Variants in FMNL3 observed in about 807,000 individuals in gnomAD.
FMNL3 encodes the protein formin-like protein 3.
FMNL3 carries 57 observed loss-of-function variants against 119.6 expected under a neutral mutation model. The ratio of observed to expected loss-of-function variants is 0.48; its 90% CI spans 0.39 to 0.59. The LOEUF is 0.59. Ranked by LOEUF, FMNL3 falls within the 20% of genes least tolerant of loss-of-function variation. FMNL3 has a pLI of 0.00. For synonymous variants in FMNL3, 491 were observed against 507.3 expected, an observed-to-expected ratio of 0.97 and a Z score of 0.43; for missense variants, 1,053 against 1,323.5, an observed-to-expected ratio of 0.80 and a Z score of 3.17.
rs1943153176 is a variant in FMNL3 at position 49,645,728 on chromosome 12, C to G, written c.*87G>C. ...ACATGGTTGAGAGAGCAACACAGCC[C>G]TCTCCTGAGCCCTTGGCCAATTCCA... On this transcript the variant is annotated 3_prime_UTR_variant, in exon 26 of 26. Coordinates refer to ENST00000335154, the MANE Select transcript of FMNL3 (RefSeq NM_175736.5). 8.5e-7 allele frequency: 1 copy of G among 1,172,766 alleles called. No homozygotes were observed. The highest frequency in any genetic ancestry group is 1.2e-6 in the Non-Finnish European group (1 of 833,670). 72.6% of individuals were successfully genotyped at this position (1,172,766 alleles called of 1,614,324 possible).
intron 1 of FMNL3, among the ~76,000 whole-genome samples, chr12:49,703,290 C>T (rs755940900): frequency 6.6e-6 from 1 of 152,220 alleles, no homozygotes; most frequent in Non-Finnish European, 1.5e-5. Flanking sequence ...ATACTAGCTT[C>T]TGAGCAACTG....
At chr12:49,655,028 G>A in intron 9 of FMNL3, 44 bp from the exon 10 acceptor site, 9 of 1,588,254 alleles carry the variant, frequency 5.7e-6, no homozygotes, top group Non-Finnish European at 7.8e-6. Context: ...GCTCCATGCA[G>A]AACCCAAGCC....
At chr12:49,661,133 T>C (rs116326291) in intron 5 of FMNL3, among the ~76,000 whole-genome samples, 2,243 of 152,344 alleles carry the variant, frequency 0.015, 57 homozygotes, top group African/African-American at 0.05. Context: ...TTATGTAATT[T>C]CATATATTCA....
At chr12:49,680,673 C>A (rs1391313602) in intron 1 of FMNL3, among the ~76,000 whole-genome samples, 2 of 152,192 alleles carry the variant, frequency 1.3e-5, no homozygotes, top group Non-Finnish European at 2.9e-5. Context: ...GTTCCCTCCC[C>A]ACGACCCAAA....
intron 1 of FMNL3, among the ~76,000 whole-genome samples, chr12:49,679,356 A>G (rs1464523210): frequency 1.3e-5 from 2 of 151,972 alleles, no homozygotes; most frequent in Non-Finnish European, 2.9e-5. Flanking sequence ...TCCAAATTGT[A>G]TGCATCCTTC....
chr12:49,707,315 G>T lies in FMNL3; in HGVS notation c.-135C>A. The stretch of plus-strand genomic sequence containing the variant: ...ACTCCTCGGCCCCGTCGAGGGCGCC[G>T]GGGGTTCCCTGGAGTCCCGCTGGCG... On this transcript the variant is annotated 5_prime_UTR_variant, in exon 1 of 26. Coordinates refer to ENST00000335154, the MANE Select transcript of FMNL3 (RefSeq NM_175736.5). 1 of 828,318 alleles carries T rather than the reference G, an allele frequency of 1.2e-6. No homozygotes were observed. The highest frequency in any genetic ancestry group is 1.7e-6 in the Non-Finnish European group (1 of 589,118). 51.3% of individuals were successfully genotyped at this position (828,318 alleles called of 1,614,324 possible).
intron 13 of FMNL3, 63 bp downstream of exon 13, chr12:49,653,160 AAGC>A (rs1423455648): frequency 4.8e-6 from 7 of 1,457,870 alleles, no homozygotes; most frequent in Non-Finnish European, 6.7e-6. Flanking sequence ...CAGGGAAAAA[AAGC>A]AGAACCCCAA....
chr12:49,666,756 C>T (rs1943903179), intron 2 of FMNL3, among the ~76,000 whole-genome samples: 1 of 151,944 alleles, frequency 6.6e-6, no homozygotes, highest in Admixed American at 6.6e-5. Context: ...ATGATCATGC[C>T]ATTGCACTCC....
In FMNL3 at chr12:49,640,489, C is replaced by T. The variant is rs1227578830; in HGVS notation, c.*5326G>A. The T allele has an allele frequency of 6.6e-6, 1 of 152,162 alleles. No individual in the cohort carries two copies. Among genetic ancestry groups the T allele is most frequent in the Non-Finnish European group, 1.5e-5 (1 of 68,066 alleles). The allele number at this position is 152,162 out of a possible 1,614,324, so 9.4% of individuals were successfully genotyped here. Reference sequence around the variant, plus strand: ...GCACTGAGGACCAGATGAGTGAGGACAAAGAAGGCGGCCTTGGATTTGGCT... The same window carrying T: ...GCACTGAGGACCAGATGAGTGAGGATAAAGAAGGCGGCCTTGGATTTGGCT... On this transcript the variant is annotated 3_prime_UTR_variant, in exon 26 of 26. Coordinates refer to ENST00000335154, the MANE Select transcript of FMNL3 (RefSeq NM_175736.5).
In FMNL3 at chr12:49,643,071, A is replaced by G; in HGVS notation, c.*2744T>C. 1 of 1,598,854 alleles carries G rather than the reference A, an allele frequency of 6.3e-7. No individual in the cohort carries two copies. On this transcript the variant is annotated 3_prime_UTR_variant, in exon 26 of 26. Coordinates refer to ENST00000335154, the MANE Select transcript of FMNL3 (RefSeq NM_175736.5). ...TGAAGCTGGGTTGTTTTGGGGAAAT[A>G]AACACTTTGTTTTCCCCTTACAATA...
chr12:49,652,350 C>T, intron 13 of FMNL3, 138 bp from the exon 14 acceptor site: 2 of 1,422,126 alleles, frequency 1.4e-6, no homozygotes, highest in Non-Finnish European at 1.8e-6. Context: ...GGCAGAAACC[C>T]AGGTGGGGGA....
At chr12:49,686,605 T>C (rs1326496064) in intron 1 of FMNL3, among the ~76,000 whole-genome samples, 1 of 148,930 alleles carries the variant, frequency 6.7e-6, no homozygotes, top group East Asian at 2.0e-4. Context: ...AAAAAAGTAT[T>C]GAGCACCTTT....
Position 49,699,500 on chromosome 12 carries a change from G to A in FMNL3, c.126+7555C>T, listed in dbSNP as rs547278903. On this transcript the variant is annotated intron_variant, in intron 1 of 25. Coordinates refer to ENST00000335154, the MANE Select transcript of FMNL3 (RefSeq NM_175736.5). ...GGCTGCCACCTGGACTGTCCCAGCT[G>A]CAGAACACAGACCCAATGAGTCCTG... Among the ~76,000 whole-genome samples, 3 of 152,286 alleles carry A rather than the reference G, an allele frequency of 2.0e-5. No homozygotes were observed. The East Asian group carries it at 5.8e-4, about 29-fold the overall frequency.
At chr12:49,704,371 G>A (rs1944986049) in intron 1 of FMNL3, among the ~76,000 whole-genome samples, 1 of 152,108 alleles carries the variant, frequency 6.6e-6, no homozygotes, top group South Asian at 2.1e-4. Context: ...AAAGAAAAAG[G>A]TGAGAAAGGA....
intron 1 of FMNL3, among the ~76,000 whole-genome samples, chr12:49,681,592 C>T (rs1416575273): frequency 6.6e-6 from 1 of 152,204 alleles, no homozygotes; most frequent in Non-Finnish European, 1.5e-5. Flanking sequence ...AGTTCTCACT[C>T]TGCTGCCCAG....
chr12:49,664,800 C>T (rs558264558), intron 4 of FMNL3, among the ~76,000 whole-genome samples: 4 of 152,308 alleles, frequency 2.6e-5, no homozygotes, highest in Non-Finnish European at 5.9e-5. Context: ...CAGGTGTCCC[C>T]TCCCTCTAAA....
intron 1 of FMNL3, among the ~76,000 whole-genome samples, chr12:49,687,161 T>A (rs1348658739): frequency 6.6e-6 from 1 of 150,906 alleles, no homozygotes; most frequent in Non-Finnish European, 1.5e-5. Context: ...TGGCGCGATC[T>A]CGGCTCACTG....
In FMNL3 at chr12:49,647,320, G is replaced by A. The variant is rs753849425; in HGVS notation, c.2827C>T (p.Arg943Trp). Residue 943 changes from arginine to tryptophan, a missense_variant, in exon 24 of 26, where the codon CGG (arginine) becomes TGG (tryptophan). Arg to Trp is a moderately radical substitution (Grantham distance 101). Coordinates refer to ENST00000335154, the MANE Select transcript of FMNL3 (RefSeq NM_175736.5). The surrounding 1 kb of genome is among the most constrained non-coding windows in gnomAD (Gnocchi z 4.9). Reference protein sequence around the residue: ...EARKKQEEVMREKQLAQEAKK... With the variant: ...EARKKQEEVMWEKQLAQEAKK... ...GCTTCCTGAGCCAGCTGCTTCTCCC[G>A]CATTACCTCCTCCTGCTTCTTGCGG... is the stretch of plus-strand genomic sequence containing the variant. 1.4e-5 allele frequency: 23 copies of A among 1,613,670 alleles called. No individual in the cohort carries two copies. Among genetic ancestry groups the A allele is most frequent in the Admixed American group, 1.0e-4 (6 of 60,000 alleles).
chr12:49,669,121 A>G (rs1044516193), intron 1 of FMNL3, among the ~76,000 whole-genome samples: 4 of 152,230 alleles, frequency 2.6e-5, no homozygotes, highest in African/African-American at 9.7e-5. Flanking sequence ...CCTCTTGCCC[A>G]TATCAGCACA....
Sources: allele counts gnomAD v4.1 joint callset (sites outside exome capture counted in the v4.1 genomes callset), GRCh38; gene constraint gnomAD v4.1.1; non-coding constraint Gnocchi (gnomAD v3.1); transcripts MANE v1.5; gene names NCBI Gene and HGNC (gene_info 2026-07-23, HGNC 2026-07-21).